PDE1C: variants seen among roughly 807,000 people sequenced by gnomAD.
The protein encoded by PDE1C is phosphodiesterase 1C.
PDE1C carries 62 observed loss-of-function variants against 93.1 expected under a neutral mutation model. The observed-to-expected ratio is 0.67, with a 90% CI of 0.54 to 0.82. The LOEUF is 0.82. Among genes scored for constraint, PDE1C ranks in the 40% least tolerant of loss-of-function variants. The pLI, the probability that PDE1C is intolerant of heterozygous loss-of-function variation, is 0.00. For missense variants in PDE1C, 742 were observed against 884.6 expected (o/e 0.84, Z 2.04); for synonymous variants, 325 against 310.1 (o/e 1.05, Z -0.50).
chr7:32,028,180 A>G (rs1376899608), intron 2 of PDE1C, among the ~76,000 whole-genome samples: 1 of 152,194 alleles, frequency 6.6e-6, no homozygotes, highest in Non-Finnish European at 1.5e-5. Context: ...AATAGACTCA[A>G]TTATTTATCA....
intron 1 of PDE1C, among the ~76,000 whole-genome samples, chr7:32,392,440 T>G (rs1278976957): frequency 6.6e-6 from 1 of 152,208 alleles, no homozygotes; most frequent in South Asian, 2.1e-4. Flanking sequence ...TCCCAACTCA[T>G]TCTATGAGGT....
At chr7:32,402,741 T>A (rs1583420846) in intron 1 of PDE1C, among the ~76,000 whole-genome samples, 1 of 152,192 alleles carries the variant, frequency 6.6e-6, no homozygotes, top group Non-Finnish European at 1.5e-5. Context: ...ATCTCTGAAA[T>A]AGAAATAGTA....
intron 1 of PDE1C, among the ~76,000 whole-genome samples, chr7:32,058,264 A>C (rs1316369937): frequency 2.0e-5 from 3 of 152,172 alleles, no homozygotes; most frequent in Non-Finnish European, 4.4e-5. Flanking sequence ...ACCACCGCCG[A>C]CACACAGACC....
chr7:31,930,450 C>A (rs1010450056), intron 2 of PDE1C, among the ~76,000 whole-genome samples: 4 of 152,028 alleles, frequency 2.6e-5, no homozygotes, highest in African/African-American at 9.7e-5. Flanking sequence ...GGCAGAGACA[C>A]AACAAAAAAT....
intron 16 of PDE1C, among the ~76,000 whole-genome samples, chr7:31,776,830 C>T (rs1224034053): frequency 6.6e-6 from 1 of 151,938 alleles, no homozygotes; most frequent in African/African-American, 2.4e-5. Context: ...ATCCATGAGT[C>T]AGTGTTAGGT....
At chr7:31,875,278 T>A (rs539263977) in intron 5 of PDE1C, among the ~76,000 whole-genome samples, 1 of 152,292 alleles carries the variant, frequency 6.6e-6, no homozygotes, top group African/African-American at 2.4e-5. Context: ...ATAAAGAGAT[T>A]ATCATGATAA....
chr7:31,649,957 G>C, the PDE1C span, among the ~76,000 whole-genome samples: 3 of 152,124 alleles, frequency 2.0e-5, no homozygotes, highest in Non-Finnish European at 2.9e-5. Context: ...AATAAGGGAG[G>C]GTGAAGAGTA....
chr7:32,206,260 T>C (rs1805506659), intron 2 of PDE1C, among the ~76,000 whole-genome samples: 1 of 151,840 alleles, frequency 6.6e-6, no homozygotes, highest in Non-Finnish European at 1.5e-5. Context: ...GGCTCACTGA[T>C]TAGGATGCAG....
the PDE1C span, among the ~76,000 whole-genome samples, chr7:31,625,601 A>G: frequency 1.3e-5 from 2 of 152,024 alleles, no homozygotes; most frequent in African/African-American, 4.8e-5. Flanking sequence ...GAGAGGGAAC[A>G]TCACACTCTG....
chr7:32,118,243 G>C (rs1476617210), intron 3 of PDE1C, among the ~76,000 whole-genome samples: 1 of 152,176 alleles, frequency 6.6e-6, no homozygotes, highest in South Asian at 2.1e-4. Context: ...TAAAGGACCA[G>C]GTCCCAAAAG....
At chr7:31,667,563 G>A in the PDE1C span, among the ~76,000 whole-genome samples, 1 of 152,072 alleles carries the variant, frequency 6.6e-6, no homozygotes, top group Admixed American at 6.6e-5. Flanking sequence ...GGCAAAACAA[G>A]GGAGATAGGC....
At chr7:32,012,443 C>T (rs1233418857) in intron 2 of PDE1C, among the ~76,000 whole-genome samples, 1 of 152,164 alleles carries the variant, frequency 6.6e-6, no homozygotes, top group African/African-American at 2.4e-5. Flanking sequence ...ATGACCCAAC[C>T]ACCTCCCACC....
the PDE1C span, among the ~76,000 whole-genome samples, chr7:31,714,293 T>C: frequency 0.031 from 4,753 of 152,248 alleles, 283 homozygotes; most frequent in African/African-American, 0.11. Context: ...AAGAGTCACC[T>C]TTCCTCCAGT....
intron 2 of PDE1C, among the ~76,000 whole-genome samples, chr7:31,948,266 T>C (rs1459090599): frequency 6.6e-6 from 1 of 152,230 alleles, no homozygotes; most frequent in Non-Finnish European, 1.5e-5. Flanking sequence ...TAGAGTTATG[T>C]GTACTTTGGA....
At chr7:31,879,840 G>T (rs149583832) in intron 3 of PDE1C, among the ~76,000 whole-genome samples, 9 of 152,028 alleles carry the variant, frequency 5.9e-5, no homozygotes, top group African/African-American at 2.2e-4. Flanking sequence ...AAAATAGCAT[G>T]TCATATTTAC....
intron 2 of PDE1C, among the ~76,000 whole-genome samples, chr7:31,936,004 A>T (rs953953166): frequency 6.6e-6 from 1 of 152,138 alleles, no homozygotes; most frequent in African/African-American, 2.4e-5. Flanking sequence ...CATAGGAGGG[A>T]ATGCCGTCTG....
chr7:32,119,596 T>G (rs1799180865), intron 3 of PDE1C, among the ~76,000 whole-genome samples: 1 of 152,038 alleles, frequency 6.6e-6, no homozygotes, highest in Admixed American at 6.6e-5. Context: ...GTATCCAGAT[T>G]CTCTCAACAG....
At chr7:31,690,870 A>C in the PDE1C span, among the ~76,000 whole-genome samples, 46 of 152,196 alleles carry the variant, frequency 3.0e-4, no homozygotes, top group African/African-American at 1.0e-3. Flanking sequence ...TGAGGAATGA[A>C]TATTTTCAAC....
intron 3 of PDE1C, among the ~76,000 whole-genome samples, chr7:32,152,996 T>C (rs941165188): frequency 2.0e-5 from 3 of 152,160 alleles, no homozygotes; most frequent in Non-Finnish European, 2.9e-5. Flanking sequence ...ATTATTTTTA[T>C]GGCAAAATTT....
Sources: allele counts gnomAD v4.1 joint callset (sites outside exome capture counted in the v4.1 genomes callset), GRCh38; gene constraint gnomAD v4.1.1; transcripts MANE v1.5; gene names NCBI Gene and HGNC (gene_info 2026-07-23, HGNC 2026-07-21).